The following SRR variants were observed in gnomAD, a reference collection of about 807,000 sequenced individuals.
SRR encodes the protein serine racemase, also known as D-serine ammonia-lyase.
In SRR, 19 loss-of-function variants were observed where a neutral mutation model predicts 32.7. That is an observed-to-expected ratio of 0.58 (90% CI 0.40 to 0.85). SRR has a LOEUF of 0.85. Among genes scored for constraint, SRR ranks in the 40% least tolerant of loss-of-function variants. The pLI is 0.00. For synonymous variants in SRR, 142 were observed against 140.9 expected, an observed-to-expected ratio of 1.01 and a Z score of -0.06; for missense variants, 373 against 404.7, an observed-to-expected ratio of 0.92 and a Z score of 0.67.
intron 1 of SRR, chr17:2,306,693 G>T: frequency 2.1e-6 from 1 of 485,846 alleles, no homozygotes; most frequent in Non-Finnish European, 3.7e-6. Flanking sequence ...CTCCAGCCTG[G>T]GTGACAGATA....
At position 2,324,755 on chromosome 17, in the gene SRR, G is replaced by C. The variant is rs1229985033; in HGVS notation, c.*882G>C. Reference sequence around the variant, plus strand: ...AAAATTTTGAAAGGATGACCACTCAGAACAACTCTCTTGATGACCATTCTG... The same window carrying C: ...AAAATTTTGAAAGGATGACCACTCACAACAACTCTCTTGATGACCATTCTG... On this transcript the variant is annotated 3_prime_UTR_variant, in exon 8 of 8. Coordinates refer to ENST00000344595, the MANE Select transcript of SRR (RefSeq NM_021947.3). 6.2e-7 allele frequency: 1 copy of C among 1,614,170 alleles called. No homozygotes were observed. The highest frequency in any genetic ancestry group is 2.2e-5 in the East Asian group (1 of 44,888).
chr17:2,318,598 A>G (rs1320041909), intron 3 of SRR, among the ~76,000 whole-genome samples: 2 of 142,748 alleles, frequency 1.4e-5, no homozygotes, highest in East Asian at 4.1e-4. Context: ...GGACTACAGG[A>G]GCCTGCCACC....
chr17:2,323,337 G>A lies in SRR; in HGVS notation c.796G>A (p.Glu266Lys). The A allele has an allele frequency of 6.2e-7, 1 of 1,613,968 alleles. No homozygotes were observed. Among genetic ancestry groups the A allele is most frequent in the South Asian group, 1.1e-5 (1 of 91,062 alleles). Residue 266 changes from glutamate to lysine, a missense_variant, in exon 7 of 8, where the codon GAA (glutamate) becomes AAA (lysine). Glu to Lys is a moderately conservative substitution (Grantham distance 56). Transcript: ENST00000344595. ...VDDIFTVTED[E>K]IKCATQLVWE... ...TGATATCTTCACTGTCACAGAGGATGAAATTAAGGTGAGGCTCCAGCAAGA... is the reference window on the plus strand; with the variant it reads ...TGATATCTTCACTGTCACAGAGGATAAAATTAAGGTGAGGCTCCAGCAAGA...
chr17:2,303,615 C>G, upstream of SRR: 2 of 1,439,542 alleles, frequency 1.4e-6, no homozygotes, highest in Non-Finnish European at 1.8e-6. Flanking sequence ...GGCCCAGGAG[C>G]TGGGCGGCGC....
chr17:2,306,905 C>A, intron 1 of SRR: 1 of 971,446 alleles, frequency 1.0e-6, no homozygotes, highest in Non-Finnish European at 1.6e-6. Context: ...ATGAGAGATC[C>A]AAACACCAAG....
Position 2,318,851 on chromosome 17 carries a change from C to T in SRR, c.321C>T (p.Pro107=), listed in dbSNP as rs1320069638. The change falls in exon 4 of 8, where the codon CCC becomes CCT. Residue 107 remains proline (P), a synonymous_variant. Coordinates refer to ENST00000344595, the MANE Select transcript of SRR (RefSeq NM_021947.3). ...GAATTCCTGCTTATATTGTGGTGCC[C>T]CAGACAGCTCCAGACTGTAAAAAAC... ...LEGIPAYIVV[P]QTAPDCKKLA... 5.0e-6 allele frequency: 8 copies of T among 1,613,564 alleles called. No individual in the cohort carries two copies. The highest frequency in any genetic ancestry group is 6.8e-6 in the Non-Finnish European group (8 of 1,179,734).
At chr17:2,314,856 A>C (rs1403890591) in intron 1 of SRR, among the ~76,000 whole-genome samples, 1 of 151,800 alleles carries the variant, frequency 6.6e-6, no homozygotes, top group Non-Finnish European at 1.5e-5. Context: ...TAATTTGTTA[A>C]ATTTTTATTA....
chr17:2,319,145 C>T (rs1162835345), intron 4 of SRR, among the ~76,000 whole-genome samples: 2 of 152,184 alleles, frequency 1.3e-5, no homozygotes, highest in African/African-American at 4.8e-5. Context: ...CAACTTCTCT[C>T]CCTTTAACAG....
chr17:2,305,021 T>C (rs1455091958), intron 1 of SRR, among the ~76,000 whole-genome samples: 3 of 152,184 alleles, frequency 2.0e-5, no homozygotes, highest in Non-Finnish European at 4.4e-5. Flanking sequence ...TTACCAATTA[T>C]TCCTTAGTCT....
In SRR at chr17:2,323,296, T is replaced by C. The variant is rs1265468973; in HGVS notation, c.755T>C (p.Ile252Thr). The C allele has an allele frequency of 1.2e-6, 2 of 1,614,108 alleles. No individual in the cohort carries two copies. The highest frequency in any genetic ancestry group is 1.7e-6 in the Non-Finnish European group (2 of 1,179,960). ...ATTGGCTTGAACACCTGGCCTATTA[T>C]CAGGGACCTTGTGGATGATATCTTC... The part of the protein sequence containing the change: ...SSIGLNTWPI[I>T]RDLVDDIFTV... The change falls in exon 7 of 8, where the codon ATC becomes ACC. Residue 252 changes from isoleucine (I) to threonine (T), a missense_variant. Transcript: ENST00000344595.
chr17:2,307,453 TGTG>T, intron 1 of SRR: 96 of 1,429,536 alleles, frequency 6.7e-5, no homozygotes, highest in South Asian at 8.0e-5. Context: ...TGGTGGCAGC[TGTG>T]GTGGTGGTGG....
chr17:2,313,167 C>T lies in SRR; in HGVS notation c.-4-2390C>T, dbSNP rs183134056. Reference sequence around the variant, plus strand: ...GGATAAAGCCGGGCGCAGTGGCTCACGCCTGTAATCCCAGCACTTTGGGAG... The same window carrying T: ...GGATAAAGCCGGGCGCAGTGGCTCATGCCTGTAATCCCAGCACTTTGGGAG... On this transcript the variant is annotated intron_variant, in intron 1 of 7. Transcript: ENST00000344595. Among the ~76,000 whole-genome samples the T allele has an allele frequency of 1.6e-4, 25 of 152,322 alleles. No individual in the cohort carries two copies. The East Asian group carries it at 4.6e-3, about 28-fold the overall frequency.
chr17:2,321,701 C>G (rs1156449910), intron 6 of SRR, 85 bp downstream of exon 6: 1 of 1,218,308 alleles, frequency 8.2e-7, no homozygotes, highest in East Asian at 2.3e-5. Context: ...GCTCAACATT[C>G]TGCACACATT....
intron 1 of SRR, chr17:2,306,812 T>G: frequency 1.3e-6 from 1 of 752,354 alleles, no homozygotes; most frequent in Non-Finnish European, 2.4e-6. Flanking sequence ...AAGCTCTTCA[T>G]TGGAGGGCTG....
intron 1 of SRR, chr17:2,307,348 A>G (rs541014167): frequency 1.9e-6 from 2 of 1,059,310 alleles, no homozygotes; most frequent in Admixed American, 1.7e-5. Context: ...AAGAGGTCAA[A>G]GTACTTCTGG....
At chr17:2,323,433 C>T (rs1030071318) in intron 7 of SRR, 88 bp downstream of exon 7, 58 of 1,473,768 alleles carry the variant, frequency 3.9e-5, no homozygotes, top group South Asian at 5.9e-5. Context: ...AAGTGACCCA[C>T]GGGAACCTGA....
rs553218976 is a variant in SRR, at chr17:2,323,923, C to G, written c.*50C>G. 20 of 1,515,800 alleles carry G rather than the reference C, an allele frequency of 1.3e-5. No homozygotes were observed. The highest frequency in any genetic ancestry group is 3.4e-4 in the Middle Eastern group (2 of 5,838). 93.9% of individuals were successfully genotyped at this position (1,515,800 alleles called of 1,614,324 possible). On this transcript the variant is annotated 3_prime_UTR_variant, in exon 8 of 8. Coordinates refer to ENST00000344595, the MANE Select transcript of SRR (RefSeq NM_021947.3). ...ATTCAGTGTCTTTAGATACTGAAGA[C>G]ATTTTGTTTCCTAGTATTGTCAACT...
Position 2,324,787 on chromosome 17 carries a change from TCTA to T in SRR, c.*917_*919del, listed in dbSNP as rs1323564142. 1 of 1,614,056 alleles carries T rather than the reference TCTA, an allele frequency of 6.2e-7. No homozygotes were observed. The highest frequency in any genetic ancestry group is 8.5e-7 in the Non-Finnish European group (1 of 1,180,032). ...TCTCTTGATGACCATTCTGTCTGGA[TCTA>T]CTGACATAAGATGGCCTGTAGCAAT... On this transcript the variant is annotated 3_prime_UTR_variant, in exon 8 of 8. Transcript: ENST00000344595.
upstream of SRR, chr17:2,303,790 G>T (rs902968734): frequency 2.3e-6 from 3 of 1,314,668 alleles, no homozygotes; most frequent in Non-Finnish European, 2.0e-6. Flanking sequence ...CACCACAGAC[G>T]GGCGGCGCGC....
Sources: gnomAD v4.1 joint callset for allele counts (sites outside exome capture counted in the v4.1 genomes callset) on GRCh38, gnomAD v4.1.1 for gene constraint, MANE v1.5 for transcripts, NCBI Gene and HGNC (gene_info 2026-07-23, HGNC 2026-07-21) for gene names.